The following TSEN15 variants were observed in gnomAD, a reference collection of about 807,000 sequenced individuals.
The protein encoded by TSEN15 is tRNA splicing endonuclease subunit 15.
A neutral mutation model predicts 20.5 loss-of-function variants in TSEN15; 10 were observed. That is an observed-to-expected ratio of 0.49 (90% CI 0.30 to 0.83). TSEN15 has a LOEUF of 0.83. Among genes scored for constraint, TSEN15 ranks in the 40% least tolerant of loss-of-function variants. TSEN15 has a pLI of 0.06. For missense variants in TSEN15, 180 were observed against 218.6 expected, an observed-to-expected ratio of 0.82 and a Z score of 1.11; for synonymous variants, 72 against 80.1, an observed-to-expected ratio of 0.90 and a Z score of 0.54.
At chr1:184,076,310 A>G (rs1293603068), downstream of TSEN15, among the ~76,000 whole-genome samples, 4 of 152,094 alleles carry the variant, frequency 2.6e-5, no homozygotes, top group East Asian at 5.8e-4. Flanking sequence ...TTTCAGGGAT[A>G]TTTGATGTTA....
intron 3 of TSEN15, among the ~76,000 whole-genome samples, chr1:184,080,434 GTTGCCTTTTTC>G (rs1292885023): frequency 1.3e-5 from 2 of 152,114 alleles, no homozygotes; most frequent in Non-Finnish European, 2.9e-5. Flanking sequence ...AGAATATTAT[GTTGCCTTTTTC>G]TTGTATGATG....
At position 184,052,187 on chromosome 1, in the gene TSEN15, G is replaced by A. The variant is rs116042970; in HGVS notation, c.135+297G>A. ...AGCGCTCCACTAGTTTTGCTGTCTA[G>A]GTAAATCCCCTTTGGGGGATAAATT... On this transcript the variant is annotated intron_variant, in intron 1 of 4. Coordinates refer to ENST00000645668, the MANE Select transcript of TSEN15 (RefSeq NM_052965.4). 5.6e-3 allele frequency among the ~76,000 whole-genome samples: 857 copies of A among 152,300 alleles called. 6 individuals are homozygous for A. Among genetic ancestry groups the A allele is most frequent in the African/African-American group, 0.019 (809 of 41,564 alleles).
intron 3 of TSEN15, among the ~76,000 whole-genome samples, chr1:184,082,235 G>A (rs1019796788): frequency 3.9e-5 from 6 of 152,162 alleles, no homozygotes; most frequent in African/African-American, 1.4e-4. Context: ...CACACAGGTA[G>A]TGGCTGAATT....
chr1:184,075,214 G>T (rs1651034771), downstream of TSEN15, among the ~76,000 whole-genome samples: 1 of 152,066 alleles, frequency 6.6e-6, no homozygotes, highest in Non-Finnish European at 1.5e-5. Flanking sequence ...GTCTTGGGAT[G>T]TTTACTCTAT....
chr1:184,095,550 T>A (rs1385783298), intron 3 of TSEN15: 1 of 393,938 alleles, frequency 2.5e-6, no homozygotes, highest in East Asian at 3.6e-5. Context: ...GTCATGAGAG[T>A]GGGGCCTTAA....
downstream of TSEN15, among the ~76,000 whole-genome samples, chr1:184,074,435 G>T (rs1251413050): frequency 1.3e-5 from 2 of 152,114 alleles, no homozygotes; most frequent in Admixed American, 6.6e-5. Flanking sequence ...CACCCACATG[G>T]TTATTAGTAG....
At chr1:184,090,508 C>T (rs991580878) in intron 3 of TSEN15, among the ~76,000 whole-genome samples, 4 of 152,088 alleles carry the variant, frequency 2.6e-5, no homozygotes, top group African/African-American at 9.7e-5. Context: ...AAAAAGGTCA[C>T]GTACAAAGAT....
chr1:184,079,079 A>G (rs1429409258), downstream of TSEN15, among the ~76,000 whole-genome samples: 4 of 152,094 alleles, frequency 2.6e-5, no homozygotes, highest in Non-Finnish European at 5.9e-5. Flanking sequence ...TAATAGTACA[A>G]TTTCCCTTCT....
chr1:184,091,383 T>C (rs1651355372), intron 3 of TSEN15, among the ~76,000 whole-genome samples: 1 of 151,932 alleles, frequency 6.6e-6, no homozygotes, highest in Non-Finnish European at 1.5e-5. Context: ...GAAATTGATA[T>C]ATATATATTT....
Position 184,051,856 on chromosome 1 carries a change from C to T in TSEN15, c.101C>T (p.Ala34Val), listed in dbSNP as rs1262433562. The change falls in exon 1 of 5, where the codon GCC becomes GTC. Residue 34 changes from alanine (A) to valine (V), a missense_variant. Physicochemically the swap from Ala to Val is moderately conservative, Grantham distance 64 (BLOSUM62 0). Coordinates refer to ENST00000645668, the MANE Select transcript of TSEN15 (RefSeq NM_052965.4). ...FGDGGGAPSW[A>V]PEDAWMGTHP... ...GACGGCGGTGGAGCTCCTTCGTGGG[C>T]CCCTGAGGACGCCTGGATGGGCACT... The T allele has an allele frequency of 1.4e-5, 22 of 1,552,480 alleles. No homozygotes were observed. In the East Asian group the frequency reaches 4.9e-4, roughly 35 times the overall value.
intron 3 of TSEN15, among the ~76,000 whole-genome samples, chr1:184,071,630 A>G (rs1650886508): frequency 6.6e-6 from 1 of 151,964 alleles, no homozygotes; most frequent in South Asian, 2.1e-4. Context: ...AACTCAAGAA[A>G]CTATAGTAAA....
At chr1:184,075,657 T>G (rs975484718), downstream of TSEN15, among the ~76,000 whole-genome samples, 2 of 151,692 alleles carry the variant, frequency 1.3e-5, no homozygotes, top group Non-Finnish European at 2.9e-5. Flanking sequence ...CAGACTCTAC[T>G]AAGAGTAGAT....
At chr1:184,070,765 C>T in intron 3 of TSEN15, 14 of 731,920 alleles carry the variant, frequency 1.9e-5, no homozygotes, top group Non-Finnish European at 2.4e-5. Flanking sequence ...TCTATCGTTG[C>T]TTTATCAGAA....
chr1:184,095,006 T>A, intron 3 of TSEN15: 1 of 398,558 alleles, frequency 2.5e-6, no homozygotes, highest in Non-Finnish European at 4.4e-6. Flanking sequence ...AAGGGGTCAT[T>A]TGCCTGTTTT....
At chr1:184,061,852 C>T (rs369409665) in intron 3 of TSEN15, among the ~76,000 whole-genome samples, 1 of 152,104 alleles carries the variant, frequency 6.6e-6, no homozygotes, top group Non-Finnish European at 1.5e-5. Flanking sequence ...AGAGTGTCGA[C>T]AGATTCCATT....
chr1:184,062,461 CCT>C (rs1219432677), intron 3 of TSEN15, among the ~76,000 whole-genome samples: 1 of 152,004 alleles, frequency 6.6e-6, no homozygotes, highest in Non-Finnish European at 1.5e-5. Flanking sequence ...AAACTAGTGA[CCT>C]ATCTTTTTCA....
downstream of TSEN15, among the ~76,000 whole-genome samples, chr1:184,077,583 A>C (rs552143759): frequency 6.6e-6 from 1 of 152,250 alleles, no homozygotes; most frequent in South Asian, 2.1e-4. Context: ...CCTGTTATGG[A>C]TCTGGGCAAA....
At chr1:184,065,294 T>C (rs530575601) in intron 3 of TSEN15, among the ~76,000 whole-genome samples, 1 of 152,234 alleles carries the variant, frequency 6.6e-6, no homozygotes, top group East Asian at 1.9e-4. Flanking sequence ...CAGCATAGTG[T>C]TTCCCCTATT....
At chr1:184,054,119 G>A (rs1246858990) in intron 1 of TSEN15, among the ~76,000 whole-genome samples, 3 of 152,048 alleles carry the variant, frequency 2.0e-5, no homozygotes, top group African/African-American at 2.4e-5. Flanking sequence ...CCATTTACAT[G>A]GTTTTTAATC....
Sources: gnomAD v4.1 joint callset for allele counts (sites outside exome capture counted in the v4.1 genomes callset) on GRCh38, gnomAD v4.1.1 for gene constraint, MANE v1.5 for transcripts, NCBI Gene and HGNC (gene_info 2026-07-23, HGNC 2026-07-21) for gene names.